SYNPR: variants seen among roughly 807,000 people sequenced by gnomAD.
SYNPR encodes synaptoporin.
SYNPR carries 23 observed loss-of-function variants against 32.9 expected under a neutral mutation model. The observed-to-expected ratio is 0.70, with a 90% confidence interval of 0.50 to 0.99. SYNPR has a LOEUF of 0.99. Among genes scored for constraint, SYNPR ranks in the 50% least tolerant of loss-of-function variants. The probability of loss-of-function intolerance (pLI) is 0.00; values close to 1 mark genes in which losing one functional copy is unlikely to be tolerated. For missense variants in SYNPR, 318 were observed against 349.3 expected (o/e 0.91, Z 0.71); for synonymous variants, 146 against 135.9 (o/e 1.07, Z -0.52).
At chr3:63,415,439 T>G (rs1020271316) in intron 2 of SYNPR, among the ~76,000 whole-genome samples, 6 of 152,122 alleles carry the variant, frequency 3.9e-5, no homozygotes, top group African/African-American at 1.4e-4. Flanking sequence ...TTTACGTTTT[T>G]AAAGGTTATT....
intron 2 of SYNPR, among the ~76,000 whole-genome samples, chr3:63,436,233 C>A (rs1700082223): frequency 1.3e-5 from 2 of 151,400 alleles, no homozygotes; most frequent in Non-Finnish European, 2.9e-5. Flanking sequence ...GCACAATGTG[C>A]AGGTTTGTTA....
chr3:63,288,377 C>A (rs2086705989), intron 2 of SYNPR, among the ~76,000 whole-genome samples: 1 of 152,108 alleles, frequency 6.6e-6, no homozygotes, highest in South Asian at 2.1e-4. Flanking sequence ...ATTTTTAAAC[C>A]AGTACTTCTT....
At chr3:63,596,622 C>A (rs1699964266) in intron 4 of SYNPR, among the ~76,000 whole-genome samples, 3 of 152,134 alleles carry the variant, frequency 2.0e-5, no homozygotes, top group Admixed American at 6.6e-5. Context: ...GACCAGACCA[C>A]TGAGGCAATG....
chr3:63,319,132 G>A (rs1342823009), intron 2 of SYNPR, among the ~76,000 whole-genome samples: 2 of 151,954 alleles, frequency 1.3e-5, no homozygotes, highest in African/African-American at 4.8e-5. Context: ...TTTCAGCCAC[G>A]GATACCAGTG....
At chr3:63,248,253 C>T (rs184719210) in intron 1 of SYNPR, among the ~76,000 whole-genome samples, 16 of 152,204 alleles carry the variant, frequency 1.1e-4, no homozygotes, top group African/African-American at 3.6e-4. Context: ...TTTTTTTAAC[C>T]TCTCTGAACA....
chr3:63,465,624 C>T (rs1388152712), intron 2 of SYNPR, among the ~76,000 whole-genome samples: 1 of 152,050 alleles, frequency 6.6e-6, no homozygotes, highest in African/African-American at 2.4e-5. Context: ...AAAATAATTA[C>T]CTCACAGGCA....
At chr3:63,587,558 G>C (rs1378464434) in intron 4 of SYNPR, among the ~76,000 whole-genome samples, 1 of 151,588 alleles carries the variant, frequency 6.6e-6, no homozygotes, top group African/African-American at 2.4e-5. Flanking sequence ...TTAATATTAT[G>C]TAATTCTGGT....
intron 3 of SYNPR, among the ~76,000 whole-genome samples, chr3:63,507,806 C>T (rs1223828659): frequency 6.7e-6 from 1 of 150,068 alleles, no homozygotes; most frequent in Admixed American, 6.6e-5. Flanking sequence ...AAAATGATAG[C>T]AGAAAAACAA....
chr3:63,551,753 A>G (rs1023824582), intron 3 of SYNPR, among the ~76,000 whole-genome samples: 1 of 152,100 alleles, frequency 6.6e-6, no homozygotes, highest in African/African-American at 2.4e-5. Flanking sequence ...CCCCACCCTC[A>G]AACTAGCCTC....
chr3:63,564,673 AT>A (rs920489498), intron 4 of SYNPR, among the ~76,000 whole-genome samples: 1 of 152,186 alleles, frequency 6.6e-6, no homozygotes, highest in African/African-American at 2.4e-5. Flanking sequence ...ACATTAATCC[AT>A]TCAAAATTTT....
At chr3:63,393,491 C>CTTTTTTTTT (rs1482584312) in intron 2 of SYNPR, among the ~76,000 whole-genome samples, 26 of 116,578 alleles carry the variant, frequency 2.2e-4, no homozygotes, top group African/African-American at 8.7e-4. Context: ...TTCTTTCTTT[C>CTTTTTTTTT]TTCTCTTTTT....
At chr3:63,354,497 C>T (rs1004154052) in intron 2 of SYNPR, among the ~76,000 whole-genome samples, 6 of 152,178 alleles carry the variant, frequency 3.9e-5, no homozygotes, top group African/African-American at 1.4e-4. Context: ...AGTAAAGATG[C>T]TCTTCTCATG....
chr3:63,587,600 G>A (rs1703212778), intron 4 of SYNPR, among the ~76,000 whole-genome samples: 1 of 152,026 alleles, frequency 6.6e-6, no homozygotes, highest in Non-Finnish European at 1.5e-5. Context: ...TCTGGTTTCC[G>A]GGAAGGCGTT....
chr3:63,603,906 A>G (rs1290485287), intron 4 of SYNPR, among the ~76,000 whole-genome samples: 4 of 152,054 alleles, frequency 2.6e-5, no homozygotes, highest in African/African-American at 4.8e-5. Context: ...CAATTTTTTG[A>G]AATAGTTTTG....
chr3:63,505,980 CTGTCTGT>C (rs1293548145), intron 3 of SYNPR, among the ~76,000 whole-genome samples: 5 of 152,150 alleles, frequency 3.3e-5, no homozygotes, highest in Non-Finnish European at 7.4e-5. Flanking sequence ...ATAAATAGCT[CTGTCTGT>C]TGTTCTGGAC....
intron 2 of SYNPR, among the ~76,000 whole-genome samples, chr3:63,413,757 G>A (rs2088500330): frequency 6.6e-6 from 1 of 152,156 alleles, no homozygotes; most frequent in African/African-American, 2.4e-5. Context: ...GGTGATTGCT[G>A]CTTGGGGAAG....
chr3:63,273,754 C>G (rs984698762), upstream of SYNPR, among the ~76,000 whole-genome samples: 13 of 152,076 alleles, frequency 8.5e-5, no homozygotes, highest in Admixed American at 3.9e-4. Context: ...TCATAAGAAG[C>G]CTATGAAATC....
chr3:63,341,350 A>C (rs558905289), intron 2 of SYNPR, among the ~76,000 whole-genome samples: 29 of 152,232 alleles, frequency 1.9e-4, no homozygotes, highest in Non-Finnish European at 4.0e-4. Flanking sequence ...CATAGTTTTC[A>C]ACTCATTTAG....
intron 2 of SYNPR, among the ~76,000 whole-genome samples, chr3:63,264,926 T>TG (rs34138232): frequency 0.023 from 3,483 of 151,292 alleles, 133 homozygotes; most frequent in African/African-American, 0.079. Flanking sequence ...CTCAGAATCA[T>TG]GGGGGAGCCA....
Sources: gnomAD v4.1 joint callset for allele counts (sites outside exome capture counted in the v4.1 genomes callset) on GRCh38, gnomAD v4.1.1 for gene constraint, MANE v1.5 for transcripts, NCBI Gene and HGNC (gene_info 2026-07-23, HGNC 2026-07-21) for gene names.